FAT4: variants seen among roughly 807,000 people sequenced by gnomAD.
FAT4 encodes the protein FAT atypical cadherin 4, also known as protocadherin Fat 4.
A neutral mutation model predicts 303.9 loss-of-function variants in FAT4; 84 were observed. The observed-to-expected ratio is 0.28, with a 90% CI of 0.23 to 0.33. FAT4 has a LOEUF of 0.33. FAT4 is among the 10% of genes least tolerant of loss of function. FAT4 has a pLI of 1.00. For missense variants in FAT4, 6,005 were observed against 6,146.8 expected, an observed-to-expected ratio of 0.98 and a Z score of 0.77; for synonymous variants, 2,307 against 2,298.8, an observed-to-expected ratio of 1.00 and a Z score of -0.10.
chr4:125,417,285 T>C (rs1364514549), intron 7 of FAT4, among the ~76,000 whole-genome samples: 1 of 152,112 alleles, frequency 6.6e-6, no homozygotes, highest in Non-Finnish European at 1.5e-5. Flanking sequence ...TTCCAACCAC[T>C]TCTCTTCTGA....
At chr4:125,340,487 C>T (rs1478054396) in intron 2 of FAT4, among the ~76,000 whole-genome samples, 2 of 152,052 alleles carry the variant, frequency 1.3e-5, no homozygotes, top group East Asian at 3.9e-4. Context: ...GGGTTCACGC[C>T]ATTCTCCTCC....
chr4:125,439,070 T>C (rs1003126887), intron 8 of FAT4, among the ~76,000 whole-genome samples: 27 of 152,318 alleles, frequency 1.8e-4, no homozygotes, highest in African/African-American at 6.5e-4. Context: ...TGTACTTACT[T>C]TATGTTATAC....
chr4:125,469,735 C>T (rs539181405), intron 12 of FAT4, among the ~76,000 whole-genome samples: 1 of 152,156 alleles, frequency 6.6e-6, no homozygotes, highest in Non-Finnish European at 1.5e-5. Flanking sequence ...GTGTCTACCA[C>T]ATTGGCAATT....
chr4:125,473,144 T>C (rs967685467), intron 12 of FAT4, among the ~76,000 whole-genome samples: 1 of 152,170 alleles, frequency 6.6e-6, no homozygotes, highest in Non-Finnish European at 1.5e-5. Flanking sequence ...CATATTATTG[T>C]AAAGGTTAAT....
At chr4:125,384,400 T>G (rs1733659331) in intron 2 of FAT4, among the ~76,000 whole-genome samples, 1 of 152,254 alleles carries the variant, frequency 6.6e-6, no homozygotes, top group African/African-American at 2.4e-5. Context: ...TTTTCATATC[T>G]CAAATGACTA....
At chr4:125,440,064 C>CT (rs1269433551) in intron 8 of FAT4, among the ~76,000 whole-genome samples, 2 of 152,060 alleles carry the variant, frequency 1.3e-5, no homozygotes, top group African/African-American at 4.8e-5. Context: ...TTCAAGGTTT[C>CT]TTTTTTCTTT....
In FAT4 at chr4:125,316,081, A is replaced by C. The variant is rs1374532543; in HGVS notation, c.-13+104A>C. Among the ~76,000 whole-genome samples, 1 of 152,160 alleles carries C rather than the reference A, an allele frequency of 6.6e-6. No individual in the cohort carries two copies. Among genetic ancestry groups the C allele is most frequent in the Admixed American group, 6.5e-5 (1 of 15,280 alleles). The stretch of plus-strand genomic sequence containing the variant: ...CTCATCCACCCGGGTGAAAACGCTC[A>C]GACTATCTGGATTCAAAAACAAAGT... On this transcript the variant is annotated intron_variant, in intron 1 of 17. Transcript: ENST00000394329. This position sits in a 1 kb window ranked among gnomAD's most constrained non-coding sequence, Gnocchi z 5.7.
Position 125,321,386 on chromosome 4 carries a change from T to G in FAT4, c.4975T>G (p.Ser1659Ala). ...ISIEAASPRG[S>A]EAPVEYYIVS... ...AATAGAAGCAGCTAGCCCCAGAGGA[T>G]CTGAGGCCCCAGTGGAGTATTATAT... Residue 1659 changes from serine to alanine, a missense_variant, in exon 2 of 18, where the codon TCT becomes GCT. Coordinates refer to ENST00000394329, the MANE Select transcript of FAT4 (RefSeq NM_001291303.3). 1 of 1,614,152 alleles carries G rather than the reference T, an allele frequency of 6.2e-7. No homozygotes were observed. The highest frequency in any genetic ancestry group is 8.5e-7 in the Non-Finnish European group (1 of 1,179,994).
chr4:125,338,797 T>A (rs1731667628), intron 2 of FAT4, among the ~76,000 whole-genome samples: 1 of 150,520 alleles, frequency 6.6e-6, no homozygotes, highest in Non-Finnish European at 1.5e-5. Flanking sequence ...GGAAATGAAT[T>A]TTTTTTAATC....
intron 2 of FAT4, among the ~76,000 whole-genome samples, chr4:125,323,505 G>A (rs1480180133): frequency 6.6e-6 from 1 of 151,926 alleles, no homozygotes; most frequent in Non-Finnish European, 1.5e-5. Context: ...AATTCAATGT[G>A]ATGATTTTTT....
chr4:125,468,238 C>G (rs1312603774), intron 11 of FAT4, among the ~76,000 whole-genome samples: 1 of 152,074 alleles, frequency 6.6e-6, no homozygotes, highest in Non-Finnish European at 1.5e-5. Context: ...TTCCACTAAG[C>G]CTTTCATTTT....
chr4:125,382,998 A>G (rs547947005), intron 2 of FAT4, among the ~76,000 whole-genome samples: 1 of 152,260 alleles, frequency 6.6e-6, no homozygotes, highest in Non-Finnish European at 1.5e-5. Flanking sequence ...TTGCAGAATT[A>G]GGGTCTTGCT....
chr4:125,323,062 C>G (rs566735225), intron 2 of FAT4, among the ~76,000 whole-genome samples: 1 of 152,224 alleles, frequency 6.6e-6, no homozygotes, highest in Non-Finnish European at 1.5e-5. Flanking sequence ...ACTTTCTTCT[C>G]TGGAATGAAT....
chr4:125,452,817 C>T lies in FAT4; in HGVS notation c.11800+7C>T, dbSNP rs753761711. ...TGCAAAACTGGATACACAGGTATGA[C>T]AACGTTTGTACTTTTCTCACTAAGA... On this transcript the variant is annotated splice_region_variant and intron_variant, in intron 10 of 17. Transcript: ENST00000394329. The T allele has an allele frequency of 6.3e-7, 1 of 1,597,428 alleles. No homozygotes were observed. Among genetic ancestry groups the T allele is most frequent in the Non-Finnish European group, 8.5e-7 (1 of 1,171,472 alleles).
chr4:125,320,210 G>A lies in FAT4; in HGVS notation c.3799G>A (p.Val1267Ile), dbSNP rs547676087. The A allele has an allele frequency of 6.2e-7, 1 of 1,613,906 alleles. No individual in the cohort carries two copies. The highest frequency in any genetic ancestry group is 1.1e-5 in the South Asian group (1 of 91,072). The change falls in exon 2 of 18, where the codon GTA (valine) becomes ATA (isoleucine). Residue 1267 changes from valine (V) to isoleucine (I), a missense_variant. Val to Ile is a conservative substitution (Grantham distance 29). Transcript: ENST00000394329. ...QFAIDSTSGQ[V>I]TLIGKLDYEA... Reference sequence around the variant, plus strand: ...TGCTATAGACAGTACCTCTGGTCAGGTAACACTAATTGGCAAATTAGACTA... The same window carrying A: ...TGCTATAGACAGTACCTCTGGTCAGATAACACTAATTGGCAAATTAGACTA...
chr4:125,331,615 C>T (rs1044321876), intron 2 of FAT4, among the ~76,000 whole-genome samples: 3 of 152,146 alleles, frequency 2.0e-5, no homozygotes, highest in Non-Finnish European at 2.9e-5. Flanking sequence ...GTGTATGCTA[C>T]ACCATCTCAT....
intron 2 of FAT4, among the ~76,000 whole-genome samples, chr4:125,397,416 C>G (rs1383229657): frequency 2.0e-5 from 3 of 152,052 alleles, no homozygotes; most frequent in Non-Finnish European, 2.9e-5. Flanking sequence ...AATGCATCTT[C>G]CAGGCTGCAG....
rs140885944 is a variant in FAT4 at position 125,491,312 on chromosome 4, G to A, written c.14496G>A (p.Ala4832=). The A allele has an allele frequency of 2.5e-5, 41 of 1,614,040 alleles. No individual in the cohort carries two copies. Among genetic ancestry groups the A allele is most frequent in the Admixed American group, 6.7e-5 (4 of 60,006 alleles). ...CACTGTCTAGAACAAGGAATCCAGCGGATGGCATTCCAGCTCCAGAATCCT... is the reference window on the plus strand; with the variant it reads ...CACTGTCTAGAACAAGGAATCCAGCAGATGGCATTCCAGCTCCAGAATCCT... ...RRPLSRTRNP[A]DGIPAPESSS... The change falls in exon 18 of 18, where the codon GCG becomes GCA. Residue 4832 remains alanine, a synonymous_variant. Transcript: ENST00000394329.
intron 12 of FAT4, among the ~76,000 whole-genome samples, chr4:125,473,692 G>T (rs146549714): frequency 6.6e-6 from 1 of 151,890 alleles, no homozygotes; most frequent in African/African-American, 2.4e-5. Context: ...TAAAATAAAC[G>T]ATTTTACCTG....
Sources: gnomAD v4.1 joint callset for allele counts (sites outside exome capture counted in the v4.1 genomes callset) on GRCh38, gnomAD v4.1.1 for gene constraint, Gnocchi (gnomAD v3.1) non-coding constraint, MANE v1.5 for transcripts, NCBI Gene and HGNC (gene_info 2026-07-23, HGNC 2026-07-21) for gene names.